The following CEP170B variants were observed in gnomAD, a reference collection of about 807,000 sequenced individuals.
CEP170B encodes centrosomal protein 170B, also known as centrosomal protein of 170 kDa protein B.
In CEP170B, 55 loss-of-function variants were observed where a neutral mutation model predicts 120.6. The ratio of observed to expected loss-of-function variants is 0.46; its 90% confidence interval spans 0.37 to 0.57. CEP170B has a LOEUF of 0.57. CEP170B is among the 20% of genes least tolerant of loss of function. The pLI is 0.00. For missense variants in CEP170B, 2,212 were observed against 2,253.3 expected (o/e 0.98, Z 0.37); for synonymous variants, 1,033 against 954.5 (o/e 1.08, Z -1.52).
chr14:104,887,768 G>A lies in CEP170B; in HGVS notation c.3529G>A (p.Ala1177Thr). 1.3e-6 allele frequency: 2 copies of A among 1,580,302 alleles called. No individual in the cohort carries two copies. The highest frequency in any genetic ancestry group is 2.3e-5 in the South Asian group (2 of 86,802). Residue 1177 changes from alanine (A) to threonine (T), a missense_variant, in exon 12 of 19, where the codon GCC becomes ACC. By Grantham distance (58) the Ala-to-Thr change is moderately conservative. Around this residue, in one of 2 missense-constraint regions of CEP170B, gnomAD observed 2,166 missense variants for 2,166.7 expected, o/e 1.00. Coordinates refer to ENST00000414716, the MANE Select transcript of CEP170B (RefSeq NM_001112726.3). ...CATCCTGGCCATGCCCCGGAAGCGG[G>A]CCGGCTCCTTCACAGGGACTAGTGA... Reference protein sequence around the residue: ...LDILAMPRKRAGSFTGTSDPE... With the variant: ...LDILAMPRKRTGSFTGTSDPE...
At chr14:104,880,721 A>C (rs1896104797) in intron 6 of CEP170B, among the ~76,000 whole-genome samples, 1 of 148,608 alleles carries the variant, frequency 6.7e-6, no homozygotes, top group Non-Finnish European at 1.5e-5. Flanking sequence ...TACACACCCT[A>C]CTCATGCACA....
At chr14:104,889,375 C>A in intron 12 of CEP170B, 1 of 882,644 alleles carries the variant, frequency 1.1e-6, no homozygotes, top group Non-Finnish European at 1.7e-6. Flanking sequence ...CAATGAAGGG[C>A]TACTGGGTGG....
At chr14:104,885,983 C>T in intron 10 of CEP170B, 57 bp from the exon 11 acceptor site, 1 of 1,440,722 alleles carries the variant, frequency 6.9e-7, no homozygotes, top group Admixed American at 2.5e-5. Context: ...CCCTGGCACC[C>T]CCTGCTTCTC....
chr14:104,885,631 G>A (rs1310345953), intron 10 of CEP170B, 89 bp downstream of exon 10: 5 of 1,468,206 alleles, frequency 3.4e-6, no homozygotes, highest in Non-Finnish European at 4.5e-6. Flanking sequence ...GCCCCCCATG[G>A]GGCGAGACTG....
chr14:104,890,634 G>GTGGA (rs1377386737), intron 13 of CEP170B, among the ~76,000 whole-genome samples: 4 of 123,180 alleles, frequency 3.2e-5, no homozygotes, highest in South Asian at 3.0e-4. Context: ...GAGTGGGTGG[G>GTGGA]TGGATGGATG....
Position 104,870,449 on chromosome 14 carries a change from G to A in CEP170B, c.105+1894G>A, listed in dbSNP as rs561107097. Among the ~76,000 whole-genome samples the A allele has an allele frequency of 8.5e-5, 13 of 152,314 alleles. No individual in the cohort carries two copies. In the South Asian group the frequency reaches 2.5e-3, roughly 29 times the overall value. On this transcript the variant is annotated intron_variant, in intron 2 of 18. Coordinates refer to ENST00000414716, the MANE Select transcript of CEP170B (RefSeq NM_001112726.3). This position sits in a 1 kb window ranked among gnomAD's most constrained non-coding sequence, Gnocchi z 4.1. ...TTGGCGGGTTGCTCCCATGGTCTGC[G>A]TACAGGGGTGGCATCAGTGATGGCC...
In CEP170B at chr14:104,883,482, T is replaced by A; in HGVS notation, c.1025T>A (p.Leu342Gln). The A allele has an allele frequency of 6.4e-7, 1 of 1,553,232 alleles. No homozygotes were observed. Among genetic ancestry groups the A allele is most frequent in the Middle Eastern group, 1.7e-4 (1 of 5,878 alleles). ...GDDRHSTKSDLPVHTRTLKGH... is the reference protein window; with the variant it reads ...GDDRHSTKSDQPVHTRTLKGH... The stretch of plus-strand genomic sequence containing the variant: ...GACCGCCACAGCACCAAGAGCGACC[T>A]GCCTGTCCACACCCGCACCCTGAAG... The change falls in exon 8 of 19, where the codon CTG (leucine) becomes CAG (glutamine). Residue 342 changes from leucine (L) to glutamine (Q), a missense_variant. By Grantham distance (113) the Leu-to-Gln change is moderately radical (BLOSUM62 -2). Transcript: ENST00000414716.
rs1192730679 is a variant in CEP170B, at chr14:104,892,994, G to A, written c.3897G>A (p.Val1299=). Residue 1299 remains valine, a synonymous_variant, in exon 14 of 19, where the codon GTG becomes GTA. Transcript: ENST00000414716. ...GCTGCAGGCTGAGCCAGACGCTGGT[G>A]AAGGACGTGGCCATCCTAGCCCAGG... is the stretch of plus-strand genomic sequence containing the variant. ...AEIARLSQTL[V]KDVAILAQEI... 3 of 1,571,890 alleles carry A rather than the reference G, an allele frequency of 1.9e-6. No individual in the cohort carries two copies. Among genetic ancestry groups the A allele is most frequent in the South Asian group, 1.2e-5 (1 of 85,494 alleles).
In CEP170B at chr14:104,894,845, G is replaced by A. The variant is rs1050991057; in HGVS notation, c.4552G>A (p.Glu1518Lys). ...AQSPPSPASA[E>K]ALLPALPLRN... ...GAGCCCACCCTCACCCGCCTCAGCCGAGGCCCTGCTGCCAGCCCTGCCCCT... is the reference window on the plus strand; with the variant it reads ...GAGCCCACCCTCACCCGCCTCAGCCAAGGCCCTGCTGCCAGCCCTGCCCCT... The change falls in exon 19 of 19, where the codon GAG becomes AAG. Residue 1518 changes from glutamate to lysine, a missense_variant. This residue lies in a region of CEP170B where 2,166 missense variants were observed against 2,166.7 expected (regional missense o/e 1.00). Transcript: ENST00000414716. The A allele has an allele frequency of 3.1e-6, 5 of 1,609,616 alleles. No individual in the cohort carries two copies. The highest frequency in any genetic ancestry group is 2.2e-5 in the East Asian group (1 of 44,760).
upstream of CEP170B, among the ~76,000 whole-genome samples, chr14:104,864,826 G>A (rs1383498224): frequency 1.3e-5 from 2 of 152,182 alleles, no homozygotes. This position sits in a 1 kb window ranked among gnomAD's most constrained non-coding sequence, Gnocchi z 5.9. Flanking sequence ...CAAAGGTTGG[G>A]GACTCGAGGC....
At chr14:104,883,682 C>A in intron 8 of CEP170B, 149 bp from the exon 9 acceptor site, 1 of 1,049,272 alleles carries the variant, frequency 9.5e-7, no homozygotes, top group Non-Finnish European at 1.3e-6. Context: ...TGCGTCTTCC[C>A]GTTGCACTTC....
intron 6 of CEP170B, among the ~76,000 whole-genome samples, chr14:104,880,944 C>T (rs1896120510): frequency 6.6e-6 from 1 of 152,202 alleles, no homozygotes; most frequent in Non-Finnish European, 1.5e-5. Flanking sequence ...CCCCTGTGCA[C>T]ACCTACCTGT....
At chr14:104,876,032 G>A (rs535567175) in intron 2 of CEP170B, among the ~76,000 whole-genome samples, 6 of 152,094 alleles carry the variant, frequency 3.9e-5, no homozygotes, top group African/African-American at 1.2e-4. Context: ...TGGGGAGGGC[G>A]GTCATGAGGG....
At position 104,876,365 on chromosome 14, in the gene CEP170B, G is replaced by GC; in HGVS notation, c.195+22dup. 6.5e-7 allele frequency: 1 copy of GC among 1,549,804 alleles called. No individual in the cohort carries two copies. Among genetic ancestry groups the GC allele is most frequent in the Admixed American group, 2.0e-5 (1 of 50,952 alleles). On this transcript the variant is annotated intron_variant, in intron 3 of 18. Transcript: ENST00000414716. Reference sequence around the variant, plus strand: ...AATGGGGTAAGTGTGAGAGGCCCTGGCCTGGCCTTTTAACAGCTCGACCCT... The same window carrying GC: ...AATGGGGTAAGTGTGAGAGGCCCTGGCCCTGGCCTTTTAACAGCTCGACCCT...
At position 104,889,744 on chromosome 14, in the gene CEP170B, T is replaced by G. The variant is rs1896697713; in HGVS notation, c.3864T>G (p.Ile1288Met). 6.2e-7 allele frequency: 1 copy of G among 1,602,538 alleles called. No homozygotes were observed. Among genetic ancestry groups the G allele is most frequent in the Admixed American group, 1.7e-5 (1 of 59,600 alleles). Residue 1288 changes from isoleucine (I) to methionine (M), a missense_variant, in exon 13 of 19, where the codon ATT (isoleucine) becomes ATG (methionine). This residue lies in a region of CEP170B where 2,166 missense variants were observed against 2,166.7 expected (regional missense o/e 1.00). Coordinates refer to ENST00000414716, the MANE Select transcript of CEP170B (RefSeq NM_001112726.3). ...PYGFIVQTAE[I>M]AEIARLSQTL... is the part of the protein sequence containing the mutation. ...GTTTCATCGTGCAGACGGCAGAGAT[T>G]GCGGAGATTGCCAGGTGAGTAGCCC...
intron 2 of CEP170B, among the ~76,000 whole-genome samples, chr14:104,874,746 C>T (rs1409586106): frequency 4.6e-5 from 7 of 152,004 alleles, no homozygotes; most frequent in Non-Finnish European, 1.0e-4. Context: ...CCCCCCAACC[C>T]CCACCCCCGG....
rs1896538233 is a variant in CEP170B at position 104,886,773 on chromosome 14, T to C, written c.2534T>C (p.Val845Ala). 1 of 1,611,686 alleles carries C rather than the reference T, an allele frequency of 6.2e-7. No individual in the cohort carries two copies. Residue 845 changes from valine to alanine, a missense_variant, in exon 12 of 19, where the codon GTC becomes GCC. This residue lies in a region of CEP170B where 2,166 missense variants were observed against 2,166.7 expected (regional missense o/e 1.00). Coordinates refer to ENST00000414716, the MANE Select transcript of CEP170B (RefSeq NM_001112726.3). ...TATGTCAGTGCCAATGGGAGAATGG[T>C]CATCCAGCTACGGCCTGGACGGTCC... ...GVYVSANGRM[V>A]IQLRPGRSPE...
In CEP170B at chr14:104,894,566, G is replaced by A. The variant is rs1282098743; in HGVS notation, c.4395G>A (p.Arg1465=). 6.2e-7 allele frequency: 1 copy of A among 1,611,662 alleles called. No homozygotes were observed. Among genetic ancestry groups the A allele is most frequent in the Admixed American group, 1.7e-5 (1 of 59,900 alleles). ...KEISSILKEL[R]RVQKQLEVIN... is the part of the protein sequence containing the mutation. Reference sequence around the variant, plus strand: ...TCAGCTCCATCCTGAAGGAACTGAGGCGGGTGCAGAAACAGCTGGAAGGTG... The same window carrying A: ...TCAGCTCCATCCTGAAGGAACTGAGACGGGTGCAGAAACAGCTGGAAGGTG... The change falls in exon 18 of 19, where the codon AGG becomes AGA. Residue 1465 remains arginine (R), a synonymous_variant. Transcript: ENST00000414716.
Position 104,893,631 on chromosome 14 carries a change from C to A in CEP170B, c.4147C>A (p.Leu1383Met), listed in dbSNP as rs553050727. Residue 1383 changes from leucine (L) to methionine (M), a missense_variant, in exon 15 of 19, where the codon CTG (leucine) becomes ATG (methionine). Leu to Met is a conservative substitution (Grantham distance 15). Around this residue, in one of 2 missense-constraint regions of CEP170B, gnomAD observed 2,166 missense variants for 2,166.7 expected, o/e 1.00. Coordinates refer to ENST00000414716, the MANE Select transcript of CEP170B (RefSeq NM_001112726.3). ...QNMNDSCEDA[L>M]ANKTRPRNRE... Reference sequence around the variant, plus strand: ...CATGAACGACAGCTGTGAGGACGCCCTGGCCAACAAGACGCGGCCTCGGAA... The same window carrying A: ...CATGAACGACAGCTGTGAGGACGCCATGGCCAACAAGACGCGGCCTCGGAA... The A allele has an allele frequency of 2.2e-5, 35 of 1,596,298 alleles. No homozygotes were observed. In the South Asian group the frequency reaches 3.7e-4, roughly 17 times the overall value.
Sources: gnomAD v4.1 joint callset for allele counts (sites outside exome capture counted in the v4.1 genomes callset) on GRCh38, gnomAD v4.1.1 for gene constraint, gnomAD v4.1.1 regional missense constraint, Gnocchi (gnomAD v3.1) non-coding constraint, MANE v1.5 for transcripts, NCBI Gene and HGNC (gene_info 2026-07-23, HGNC 2026-07-21) for gene names.